DPP4: variants seen among roughly 807,000 people sequenced by gnomAD.
DPP4 encodes ADCP-2.
A neutral mutation model predicts 122.4 loss-of-function variants in DPP4; 93 were observed. That is an observed-to-expected ratio of 0.76 (90% confidence interval 0.64 to 0.90). DPP4 has a LOEUF of 0.90. DPP4 is among the 40% of genes least tolerant of loss of function. The pLI is 0.00. For synonymous variants in DPP4, 321 were observed against 302.9 expected (o/e 1.06, Z -0.62); for missense variants, 914 against 907.3 (o/e 1.01, Z -0.09).
At chr2:162,033,490 T>C in intron 10 of DPP4, 51 bp downstream of exon 10, 2 of 1,459,060 alleles carry the variant, frequency 1.4e-6, no homozygotes, top group Non-Finnish European at 1.9e-6. Context: ...AAGTTCTCCC[T>C]AGAAAGTGTA....
In DPP4 at chr2:162,018,624, C is replaced by T; in HGVS notation, c.1420+105G>A. The T allele has an allele frequency of 2.8e-6, 4 of 1,409,336 alleles. No homozygotes were observed. In the Admixed American group the frequency reaches 7.0e-5, roughly 25 times the overall value. The allele number at this position is 1,409,336 out of a possible 1,614,324, so 87.3% of individuals were successfully genotyped here. ...TTAAATGTGAGTGGAGAGAAGGGGA[C>T]TTAGGTGATTTCAAGAGCTCCTCAG... On this transcript the variant is annotated intron_variant, in intron 16 of 25. Transcript: ENST00000360534.
At chr2:162,012,293 A>T (rs546354105) in intron 19 of DPP4, among the ~76,000 whole-genome samples, 1 of 152,248 alleles carries the variant, frequency 6.6e-6, no homozygotes, top group African/African-American at 2.4e-5. Context: ...TTTCTCTAAT[A>T]GTTAAGAAGG....
At chr2:162,009,090 C>G in intron 21 of DPP4, 151 bp downstream of exon 21, 2 of 763,200 alleles carry the variant, frequency 2.6e-6, no homozygotes, top group South Asian at 3.4e-5. Context: ...AAGCCTAACT[C>G]AGTGGAGATT....
chr2:162,052,348 G>A (rs948840978), intron 2 of DPP4, among the ~76,000 whole-genome samples: 1 of 150,696 alleles, frequency 6.6e-6, no homozygotes, highest in Admixed American at 6.6e-5. Flanking sequence ...AAAAAGTGGA[G>A]GACAGGGGCG....
chr2:162,005,586 G>A, intron 23 of DPP4, 159 bp downstream of exon 23: 1 of 593,158 alleles, frequency 1.7e-6, no homozygotes, highest in Admixed American at 3.0e-5. Context: ...ATACAGTAAG[G>A]GAAGCTATTG....
At chr2:162,029,367 G>A (rs1004014330) in intron 10 of DPP4, among the ~76,000 whole-genome samples, 3 of 152,216 alleles carry the variant, frequency 2.0e-5, no homozygotes, top group Non-Finnish European at 2.9e-5. Flanking sequence ...TGAATCACCC[G>A]AGGAAGCGGG....
intron 18 of DPP4, among the ~76,000 whole-genome samples, chr2:162,016,261 G>A (rs962973718): frequency 4.9e-4 from 75 of 152,114 alleles, no homozygotes; most frequent in African/African-American, 1.8e-3. Context: ...TGTTCTTACT[G>A]GTCTCTGAAC....
intron 2 of DPP4, among the ~76,000 whole-genome samples, chr2:162,052,260 G>A (rs1362708403): frequency 6.6e-6 from 1 of 150,568 alleles, no homozygotes; most frequent in Non-Finnish European, 1.5e-5. Context: ...AGAGGTTTTG[G>A]TGAGCTGCGA....
chr2:162,066,799 A>G (rs904111641), intron 2 of DPP4, among the ~76,000 whole-genome samples: 2 of 152,208 alleles, frequency 1.3e-5, no homozygotes, highest in Admixed American at 1.3e-4. Flanking sequence ...ATGTGCAGAG[A>G]TCACATGGTG....
At chr2:162,039,253 C>G in intron 5 of DPP4, 69 bp from the exon 6 acceptor site, 1 of 1,240,384 alleles carries the variant, frequency 8.1e-7, no homozygotes, top group South Asian at 1.2e-5. Flanking sequence ...TATAGGAGAC[C>G]AAGATGATAG....
At chr2:162,060,093 T>C (rs12618391) in intron 2 of DPP4, among the ~76,000 whole-genome samples, 5 of 152,208 alleles carry the variant, frequency 3.3e-5, no homozygotes, top group Non-Finnish European at 7.3e-5. Flanking sequence ...CGCCAAAGCC[T>C]GTGGTTACAA....
intron 2 of DPP4, among the ~76,000 whole-genome samples, chr2:162,069,454 A>T (rs753645669): frequency 9.9e-5 from 15 of 152,234 alleles, no homozygotes; most frequent in Non-Finnish European, 2.2e-4. Context: ...TCAACTGAGT[A>T]GTCTTCATTT....
intron 2 of DPP4, among the ~76,000 whole-genome samples, chr2:162,061,215 A>G (rs1047738295): frequency 5.3e-5 from 8 of 152,098 alleles, no homozygotes; most frequent in African/African-American, 9.7e-5. Context: ...CTGCATCTTC[A>G]GTTTCTTTCC....
At chr2:162,027,860 A>C (rs750331755) in intron 10 of DPP4, among the ~76,000 whole-genome samples, 6 of 152,048 alleles carry the variant, frequency 3.9e-5, no homozygotes, top group African/African-American at 4.8e-5. Context: ...TTTCAGATCA[A>C]AGGTTTATGG....
intron 19 of DPP4, among the ~76,000 whole-genome samples, chr2:162,012,819 C>T (rs1215429639): frequency 6.6e-6 from 1 of 152,024 alleles, no homozygotes; most frequent in Non-Finnish European, 1.5e-5. Context: ...TTATTCCCTC[C>T]CCAGCCCATC....
At chr2:162,035,471 G>A in intron 8 of DPP4, 147 bp from the exon 9 acceptor site, 2 of 650,166 alleles carry the variant, frequency 3.1e-6, no homozygotes, top group Non-Finnish European at 5.2e-6. Context: ...CAAAATCAGA[G>A]TAATACAAAT....
intron 5 of DPP4, among the ~76,000 whole-genome samples, chr2:162,044,478 G>A (rs879305126): frequency 9.9e-5 from 15 of 151,886 alleles, no homozygotes; most frequent in South Asian, 4.2e-4. Context: ...GTGTGTGAGC[G>A]TTGGTGTGTG....
chr2:162,008,727 A>G, intron 21 of DPP4, 66 bp from the exon 22 acceptor site: 2 of 1,380,974 alleles, frequency 1.4e-6, no homozygotes, highest in South Asian at 2.3e-5. Flanking sequence ...AGCGAGTCGC[A>G]GTTTCCACAT....
Position 162,046,996 on chromosome 2 carries a change from A to C in DPP4, c.204T>G (p.Tyr68Ter), listed in dbSNP as rs944201811. ...AGATATTATTTTCTTGTTTGTAGAG[A>C]TATTCATGATCTAAAGAGAGAAAAC... Reference protein sequence around the residue: ...YSLRWISDHEYLYKQENNILV... With the variant: ...YSLRWISDHE The change falls in exon 4 of 26, where the codon TAT becomes TAG. Residue 68 changes from tyrosine (Y) to a stop codon, truncating the protein, a stop_gained. Transcript: ENST00000360534. LOFTEE classifies it high-confidence loss of function. 3.8e-6 allele frequency: 6 copies of C among 1,566,974 alleles called. No individual in the cohort carries two copies. The highest frequency in any genetic ancestry group is 5.3e-6 in the Non-Finnish European group (6 of 1,139,574).
Sources: gnomAD v4.1 joint callset for allele counts (sites outside exome capture counted in the v4.1 genomes callset) on GRCh38, gnomAD v4.1.1 for gene constraint, MANE v1.5 for transcripts, NCBI Gene and HGNC (gene_info 2026-07-23, HGNC 2026-07-21) for gene names.